Variants in DNAH11 observed in about 807,000 individuals in gnomAD.
DNAH11 encodes dynein axonemal heavy chain 11, also known as axonemal beta dynein heavy chain 11.
In DNAH11, 442 loss-of-function variants were observed where a neutral mutation model predicts 526.0. That is an observed-to-expected ratio of 0.84 (90% CI 0.78 to 0.91). The LOEUF is 0.91. Among genes scored for constraint, DNAH11 ranks in the 40% least tolerant of loss-of-function variants. The pLI is 0.00. For missense variants in DNAH11, 6,989 were observed against 5,448.7 expected, an observed-to-expected ratio of 1.28 and a Z score of -8.90; for synonymous variants, 2,461 against 1,935.9, an observed-to-expected ratio of 1.27 and a Z score of -7.12.
chr7:21,826,835 A>G (rs1481428658), intron 65 of DNAH11, among the ~76,000 whole-genome samples: 1 of 152,088 alleles, frequency 6.6e-6, no homozygotes, highest in Non-Finnish European at 1.5e-5. Context: ...GGCTATCAAT[A>G]GTGTTTTTGT....
chr7:21,689,006 T>A (rs904007313), intron 34 of DNAH11, among the ~76,000 whole-genome samples: 1 of 152,232 alleles, frequency 6.6e-6, no homozygotes, highest in Non-Finnish European at 1.5e-5. Flanking sequence ...CCTCTTGGAC[T>A]GTTTACCTGT....
At chr7:21,675,883 AG>A (rs142575126) in intron 30 of DNAH11, among the ~76,000 whole-genome samples, 1 of 152,186 alleles carries the variant, frequency 6.6e-6, no homozygotes, top group Admixed American at 6.5e-5. Flanking sequence ...ATAAATAGAT[AG>A]GGGGTAATAG....
chr7:21,684,690 A>G (rs867428720), intron 32 of DNAH11, among the ~76,000 whole-genome samples: 11 of 152,232 alleles, frequency 7.2e-5, no homozygotes, highest in African/African-American at 2.7e-4. Context: ...AGGGATAGAA[A>G]GAAAGCCAGT....
chr7:21,874,636 C>A (rs576536302), intron 74 of DNAH11, among the ~76,000 whole-genome samples: 4 of 152,154 alleles, frequency 2.6e-5, no homozygotes, highest in African/African-American at 9.6e-5. Flanking sequence ...AGCCACTGCA[C>A]CTGGCCAAAT....
intron 65 of DNAH11, among the ~76,000 whole-genome samples, chr7:21,835,312 A>T (rs1163264732): frequency 1.3e-5 from 2 of 152,122 alleles, no homozygotes; most frequent in Non-Finnish European, 2.9e-5. Flanking sequence ...AAGGACATAC[A>T]CAAAAGTTTA....
At chr7:21,629,199 G>T (rs1409947943) in intron 25 of DNAH11, among the ~76,000 whole-genome samples, 1 of 152,052 alleles carries the variant, frequency 6.6e-6, no homozygotes, top group Non-Finnish European at 1.5e-5. Flanking sequence ...TAATTTGCAT[G>T]TGTTTGTGAC....
intron 74 of DNAH11, among the ~76,000 whole-genome samples, chr7:21,875,877 CTTTTTTTTT>C (rs35349937): frequency 1.3e-5 from 1 of 78,938 alleles, no homozygotes; most frequent in South Asian, 4.9e-4. Flanking sequence ...AAGAATATTT[CTTTTTTTTT>C]TTTTTTTTTT....
intron 77 of DNAH11, 90 bp from the exon 78 acceptor site, chr7:21,894,533 T>C: frequency 1.5e-6 from 2 of 1,345,188 alleles, no homozygotes; most frequent in Non-Finnish European, 2.1e-6. Context: ...TATGATATAT[T>C]CTGTAACTTC....
chr7:21,642,069 T>C (rs905916797), intron 28 of DNAH11, among the ~76,000 whole-genome samples: 13 of 152,194 alleles, frequency 8.5e-5, no homozygotes, highest in Non-Finnish European at 1.8e-4. Context: ...TAAACATGCT[T>C]ACAGTTTTGA....
intron 6 of DNAH11, among the ~76,000 whole-genome samples, chr7:21,566,934 T>C (rs1374919033): frequency 3.3e-5 from 5 of 152,220 alleles, no homozygotes; most frequent in African/African-American, 9.6e-5. Context: ...GTTATTGCTG[T>C]ATATGTAAGT....
At chr7:21,840,851 A>C (rs1292671033) in intron 65 of DNAH11, among the ~76,000 whole-genome samples, 2 of 152,224 alleles carry the variant, frequency 1.3e-5, no homozygotes, top group African/African-American at 4.8e-5. Flanking sequence ...CAGTTACAGG[A>C]AGCCAATGCA....
At position 21,570,294 on chromosome 7, in the gene DNAH11, A is replaced by G. The variant is rs1271134429; in HGVS notation, c.1420A>G (p.Ile474Val). 1 of 1,593,502 alleles carries G rather than the reference A, an allele frequency of 6.3e-7. No homozygotes were observed. Among genetic ancestry groups the G allele is most frequent in the African/African-American group, 1.4e-5 (1 of 73,516 alleles). ...CAAGTTTCTTGATCGTTTAATAAAAATAGAGGTATTCATTTTTTGATTTTA... is the reference window on the plus strand; with the variant it reads ...CAAGTTTCTTGATCGTTTAATAAAAGTAGAGGTATTCATTTTTTGATTTTA... ...FDKFLDRLIK[I>V]EDIFATTLEF... The change falls in exon 7 of 82, where the codon ATA becomes GTA. Residue 474 changes from isoleucine to valine, a missense_variant. Physicochemically the swap from Ile to Val is conservative, Grantham distance 29. Transcript: ENST00000409508.
At chr7:21,619,878 AAATT>A in intron 24 of DNAH11, 74 bp from the exon 25 acceptor site, 2 of 1,420,260 alleles carry the variant, frequency 1.4e-6, no homozygotes, top group Non-Finnish European at 1.9e-6. Flanking sequence ...AAGTTGAAAA[AAATT>A]AATTCCAGAT....
intron 66 of DNAH11, 91 bp from the exon 67 acceptor site, chr7:21,852,376 C>T (rs998529985): frequency 2.2e-6 from 3 of 1,360,826 alleles, no homozygotes; most frequent in African/African-American, 3.0e-5. Flanking sequence ...CACTGTACTC[C>T]AGCCTGGGCG....
intron 51 of DNAH11, among the ~76,000 whole-genome samples, chr7:21,745,708 A>T (rs1187937090): frequency 6.6e-6 from 1 of 152,234 alleles, no homozygotes; most frequent in Non-Finnish European, 1.5e-5. Flanking sequence ...GAACAACTAA[A>T]CAAGAGAATA....
At chr7:21,848,697 A>G (rs948026585) in intron 66 of DNAH11, among the ~76,000 whole-genome samples, 1 of 152,008 alleles carries the variant, frequency 6.6e-6, no homozygotes, top group Non-Finnish European at 1.5e-5. Context: ...TATTTGTAAT[A>G]ATTTTTCTTT....
In DNAH11 at chr7:21,543,103, C is replaced by T. The variant is rs1782647779; in HGVS notation, c.-143C>T. ...GCGCAGTGGCGCGGCTGCTAAGTAG[C>T]AGCAGGTGGGAGACTAGGGTCTGCG... On this transcript the variant is annotated 5_prime_UTR_variant, in exon 1 of 82. Transcript: ENST00000409508. 3 of 1,413,212 alleles carry T rather than the reference C, an allele frequency of 2.1e-6. No individual in the cohort carries two copies. 87.5% of individuals were successfully genotyped at this position (1,413,212 alleles called of 1,614,324 possible).
At chr7:21,811,543 A>G (rs1789524291) in intron 63 of DNAH11, among the ~76,000 whole-genome samples, 1 of 152,088 alleles carries the variant, frequency 6.6e-6, no homozygotes, top group South Asian at 2.1e-4. Context: ...CAGAAAGTGG[A>G]ATGGTGGTTA....
intron 61 of DNAH11, among the ~76,000 whole-genome samples, chr7:21,797,634 T>C (rs1788778243): frequency 6.6e-6 from 1 of 152,226 alleles, no homozygotes. Flanking sequence ...AAACAGTCAG[T>C]GTAAGCTCAA....
Sources: allele counts gnomAD v4.1 joint callset (sites outside exome capture counted in the v4.1 genomes callset), GRCh38; gene constraint gnomAD v4.1.1; transcripts MANE v1.5; gene names NCBI Gene and HGNC (gene_info 2026-07-23, HGNC 2026-07-21).